The following ANKRD27 variants were observed in gnomAD, a reference collection of about 807,000 sequenced individuals.
The protein encoded by ANKRD27 is ankyrin repeat domain-containing protein 27.
Under a neutral mutation model 129.7 loss-of-function variants are expected in ANKRD27, and 112 were observed. The observed-to-expected ratio is 0.86, with a 90% confidence interval of 0.74 to 1.01. ANKRD27 has a LOEUF of 1.01. Ranked by LOEUF, ANKRD27 falls within the 50% of genes least tolerant of loss-of-function variation. ANKRD27 has a pLI of 0.00. For synonymous variants in ANKRD27, 516 were observed against 511.2 expected, an observed-to-expected ratio of 1.01 and a Z score of -0.13; for missense variants, 1,258 against 1,300.5, an observed-to-expected ratio of 0.97 and a Z score of 0.50.
intron 1 of ANKRD27, among the ~76,000 whole-genome samples, chr19:32,660,307 C>A (rs1486174641): frequency 6.6e-6 from 1 of 152,170 alleles, no homozygotes; most frequent in African/African-American, 2.4e-5. Flanking sequence ...CTTTGGGAGG[C>A]CAAGTCGGGA....
rs554883110 is a variant in ANKRD27, at chr19:32,671,016, C to T, written c.-31+4055G>A. ...ATGACAAAAAAAAATCTGTAATATG[C>T]CAGGTGCAGTGGCTCACACCTGTAA... On this transcript the variant is annotated intron_variant, in intron 1 of 28. Transcript: ENST00000306065. Among the ~76,000 whole-genome samples the T allele has an allele frequency of 2.0e-5, 3 of 152,164 alleles. No homozygotes were observed. The South Asian group carries it at 6.2e-4, about 32-fold the overall frequency.
chr19:32,640,379 A>C lies in ANKRD27; in HGVS notation c.911T>G (p.Leu304Arg). ...CAGATCATCAGCACACATGGTCTCC[A>C]GGTTCACTGCAAAGGGGAAACACAC... ...ITQSPSQRVN[L>R]ETMCADDLLS... The change falls in exon 11 of 29, where the codon CTG becomes CGG. Residue 304 changes from leucine to arginine, a missense_variant. Coordinates refer to ENST00000306065, the MANE Select transcript of ANKRD27 (RefSeq NM_032139.3). The C allele has an allele frequency of 6.2e-7, 1 of 1,613,878 alleles. No homozygotes were observed. Among genetic ancestry groups the C allele is most frequent in the East Asian group, 2.2e-5 (1 of 44,874 alleles).
intron 12 of ANKRD27, chr19:32,639,105 G>A: frequency 4.2e-6 from 2 of 481,656 alleles, no homozygotes; most frequent in Non-Finnish European, 7.3e-6. Flanking sequence ...TGTCTTTGGA[G>A]AGGATGGGGA....
At chr19:32,635,795 A>T (rs1174288498) in intron 12 of ANKRD27, among the ~76,000 whole-genome samples, 2 of 152,202 alleles carry the variant, frequency 1.3e-5, no homozygotes, top group Non-Finnish European at 2.9e-5. Context: ...TTCAACAAGT[A>T]CCTGAATACT....
In ANKRD27 at chr19:32,644,267, G is replaced by A. The variant is rs1568412604; in HGVS notation, c.525+58C>T. ...TTCCAGAGGAAACTGAGGGCTCCCAGCACCCTGCACTGAACCGAGACAGGG... is the reference window on the plus strand; with the variant it reads ...TTCCAGAGGAAACTGAGGGCTCCCAACACCCTGCACTGAACCGAGACAGGG... On this transcript the variant is annotated intron_variant, in intron 5 of 28. Transcript: ENST00000306065. The A allele has an allele frequency of 4.5e-6, 7 of 1,573,010 alleles. No individual in the cohort carries two copies. The South Asian group carries it at 5.6e-5, about 13-fold the overall frequency.
chr19:32,661,972 T>G (rs1161698461), intron 1 of ANKRD27, among the ~76,000 whole-genome samples: 1 of 152,126 alleles, frequency 6.6e-6, no homozygotes, highest in African/African-American at 2.4e-5. Flanking sequence ...GGCATGCCTA[T>G]CCTCTGGCAG....
chr19:32,612,674 G>A (rs888185472), intron 22 of ANKRD27, among the ~76,000 whole-genome samples: 1 of 152,206 alleles, frequency 6.6e-6, no homozygotes, highest in African/African-American at 2.4e-5. Flanking sequence ...CAACTGAGGT[G>A]CAAAGGCAAG....
intron 17 of ANKRD27, among the ~76,000 whole-genome samples, chr19:32,623,851 G>A (rs1287418620): frequency 2.0e-5 from 3 of 151,784 alleles, no homozygotes; most frequent in Non-Finnish European, 4.4e-5. Flanking sequence ...GTGCCCAGCC[G>A]AGAGAGACTG....
intron 17 of ANKRD27, among the ~76,000 whole-genome samples, chr19:32,625,406 T>C (rs983021082): frequency 2.0e-5 from 3 of 151,676 alleles, no homozygotes; most frequent in African/African-American, 7.3e-5. Flanking sequence ...GTTACTTCAA[T>C]ATGGCATCTG....
At chr19:32,610,668 T>G (rs1001616601) in intron 22 of ANKRD27, among the ~76,000 whole-genome samples, 1 of 152,084 alleles carries the variant, frequency 6.6e-6, no homozygotes, top group Admixed American at 6.6e-5. Context: ...GGCATGCACC[T>G]GTAGTCCCAG....
chr19:32,597,920 T>A lies in ANKRD27; in HGVS notation c.*225A>T. On this transcript the variant is annotated 3_prime_UTR_variant, in exon 29 of 29. Coordinates refer to ENST00000306065, the MANE Select transcript of ANKRD27 (RefSeq NM_032139.3). ...GATCTGGATGCTACTGGAATTTTTG[T>A]CTGTTTCAATTGTATTCATTAGCTT... is the stretch of plus-strand genomic sequence containing the variant. 1 of 574,272 alleles carries A rather than the reference T, an allele frequency of 1.7e-6. No homozygotes were observed. The highest frequency in any genetic ancestry group is 2.9e-5 in the East Asian group (1 of 34,582). 35.6% of individuals were successfully genotyped at this position (574,272 alleles called of 1,614,324 possible).
chr19:32,610,311 A>AAAAT (rs1306443973), intron 22 of ANKRD27, among the ~76,000 whole-genome samples: 1 of 151,734 alleles, frequency 6.6e-6, no homozygotes, highest in Admixed American at 6.6e-5. Flanking sequence ...CCTGTCTCAA[A>AAAAT]AAATAAATAA....
Position 32,644,237 on chromosome 19 carries a change from G to A in ANKRD27, c.525+88C>T, listed in dbSNP as rs759632690. On this transcript the variant is annotated intron_variant, in intron 5 of 28. Coordinates refer to ENST00000306065, the MANE Select transcript of ANKRD27 (RefSeq NM_032139.3). ...GACTTCAAACAGTGAGGCAGCACCA[G>A]GCAGTTCCAGAGGAAACTGAGGGCT... 122 of 1,413,084 alleles carry A rather than the reference G, an allele frequency of 8.6e-5. 1 individual carries two copies. In the Admixed American group the frequency reaches 1.2e-3, roughly 13 times the overall value. 87.5% of individuals were successfully genotyped at this position (1,413,084 alleles called of 1,614,324 possible). A position where few individuals can be genotyped will look rare whatever the true frequency, so the allele number is the denominator to read the frequency against.
At chr19:32,603,520 C>T (rs1191340291) in intron 25 of ANKRD27, among the ~76,000 whole-genome samples, 1 of 152,194 alleles carries the variant, frequency 6.6e-6, no homozygotes, top group South Asian at 2.1e-4. Flanking sequence ...CCAATAATCA[C>T]GATTCCTACA....
intron 2 of ANKRD27, among the ~76,000 whole-genome samples, chr19:32,650,693 A>AG (rs1430402715): frequency 4.0e-4 from 60 of 151,788 alleles, no homozygotes; most frequent in African/African-American, 1.4e-3. Context: ...AAAAAAAAAA[A>AG]AAAAAGAACA....
chr19:32,655,971 T>C (rs534024401), intron 2 of ANKRD27, among the ~76,000 whole-genome samples: 5 of 147,194 alleles, frequency 3.4e-5, no homozygotes, highest in Admixed American at 7.0e-5. Context: ...CAAGCCCAGA[T>C]AGAGCCACTA....
Position 32,649,707 on chromosome 19 carries a change from T to C in ANKRD27, c.188A>G (p.Glu63Gly). ...FESYILIPVE[E>G]HFQTLNGKDV... ...CTTTCCATTTAAGGTCTGAAAATGC[T>C]CTTCCACAGGTATCAAAATGTAGGA... The change falls in exon 3 of 29, where the codon GAG (glutamate) becomes GGG (glycine). Residue 63 changes from glutamate to glycine, a missense_variant. Physicochemically the swap from Glu to Gly is moderately conservative, Grantham distance 98. Coordinates refer to ENST00000306065, the MANE Select transcript of ANKRD27 (RefSeq NM_032139.3). 6.2e-7 allele frequency: 1 copy of C among 1,613,424 alleles called. No individual in the cohort carries two copies. The highest frequency in any genetic ancestry group is 8.5e-7 in the Non-Finnish European group (1 of 1,179,548).
chr19:32,628,809 A>C lies in ANKRD27; in HGVS notation c.1250T>G (p.Leu417Arg), dbSNP rs754515809. 2 of 1,614,088 alleles carry C rather than the reference A, an allele frequency of 1.2e-6. No homozygotes were observed. Among genetic ancestry groups the C allele is most frequent in the Non-Finnish European group, 1.7e-6 (2 of 1,180,042 alleles). The change falls in exon 14 of 29, where the codon CTG becomes CGG. Residue 417 changes from leucine to arginine, a missense_variant. Physicochemically the swap from Leu to Arg is moderately radical, Grantham distance 102 (BLOSUM62 -2). Coordinates refer to ENST00000306065, the MANE Select transcript of ANKRD27 (RefSeq NM_032139.3). ...ATCTTTATCATGGTCCTCTTGGCTCAGAAGTCTCTCCACTTCTTTCTGGTT... is the reference window on the plus strand; with the variant it reads ...ATCTTTATCATGGTCCTCTTGGCTCCGAAGTCTCTCCACTTCTTTCTGGTT... Reference protein sequence around the residue: ...SGNQKEVERLLSQEDHDKDTV... With the variant: ...SGNQKEVERLRSQEDHDKDTV...
At chr19:32,645,196 G>A (rs1212391266) in intron 4 of ANKRD27, among the ~76,000 whole-genome samples, 1 of 152,120 alleles carries the variant, frequency 6.6e-6, no homozygotes, top group Admixed American at 6.6e-5. Context: ...GGCAGATCAT[G>A]AGGTCAAGGG....
Sources: allele counts gnomAD v4.1 joint callset (sites outside exome capture counted in the v4.1 genomes callset), GRCh38; gene constraint gnomAD v4.1.1; transcripts MANE v1.5; gene names NCBI Gene and HGNC (gene_info 2026-07-23, HGNC 2026-07-21).